SLC35D4: variants seen among roughly 807,000 people sequenced by gnomAD.
The protein encoded by SLC35D4 is solute carrier family 35 member D4, also known as UDP-N-acetylglucosamine transporter SLC35D4.
chr18:23,288,595 C>T, the SLC35D4 span, among the ~76,000 whole-genome samples: 1 of 151,994 alleles, frequency 6.6e-6, no homozygotes, highest in African/African-American at 2.4e-5. Flanking sequence ...ACTCAACATG[C>T]CCCGAGTCAG....
At chr18:23,413,750 C>A in the SLC35D4 span, among the ~76,000 whole-genome samples, 1 of 151,546 alleles carries the variant, frequency 6.6e-6, no homozygotes, top group Non-Finnish European at 1.5e-5. Context: ...CACGGTGAAA[C>A]CCTGTCTCTA....
At chr18:23,416,095 C>A in the SLC35D4 span, among the ~76,000 whole-genome samples, 1 of 152,178 alleles carries the variant, frequency 6.6e-6, no homozygotes. Context: ...CCTGTAATCT[C>A]AGCTACTCAG....
At chr18:23,259,628 T>C in the SLC35D4 span, 165 of 152,396 alleles carry the variant, frequency 1.1e-3, no homozygotes, top group South Asian at 2.9e-3. Context: ...GGTCTCCTTT[T>C]GCACGTCCAT....
At chr18:23,357,778 T>C in the SLC35D4 span, among the ~76,000 whole-genome samples, 2 of 152,226 alleles carry the variant, frequency 1.3e-5, no homozygotes, top group Non-Finnish European at 2.9e-5. Flanking sequence ...GTTCAATTTC[T>C]TTGGAGGGCT....
At chr18:23,354,110 T>C in the SLC35D4 span, among the ~76,000 whole-genome samples, 1,612 of 152,064 alleles carry the variant, frequency 0.011, 22 homozygotes, top group African/African-American at 0.037. Context: ...GCCAGAGCCA[T>C]AGCAAAGGGA....
chr18:23,425,377 A>T, the SLC35D4 span, among the ~76,000 whole-genome samples: 1 of 152,230 alleles, frequency 6.6e-6, no homozygotes, highest in Non-Finnish European at 1.5e-5. Context: ...CTGAGATTAC[A>T]GGTGTGAGCC....
the SLC35D4 span, among the ~76,000 whole-genome samples, chr18:23,411,530 A>ACT: frequency 6.6e-6 from 1 of 151,428 alleles, no homozygotes; most frequent in Non-Finnish European, 1.5e-5. Flanking sequence ...AGAAAGAAAG[A>ACT]AAGAAAGAAA....
At chr18:23,387,427 A>G in the SLC35D4 span, among the ~76,000 whole-genome samples, 1 of 152,144 alleles carries the variant, frequency 6.6e-6, no homozygotes, top group African/African-American at 2.4e-5. Flanking sequence ...ACTATAGGTT[A>G]AGGACCTTGA....
chr18:23,376,734 A>T, the SLC35D4 span: 4 of 454,294 alleles, frequency 8.8e-6, no homozygotes. Flanking sequence ...AGATCACCCC[A>T]AACAGACAAC....
chr18:23,435,428 G>A, the SLC35D4 span, among the ~76,000 whole-genome samples: 1 of 152,086 alleles, frequency 6.6e-6, no homozygotes, highest in South Asian at 2.1e-4. Flanking sequence ...CAAATTAGAA[G>A]AGTTAAATTG....
the SLC35D4 span, chr18:23,399,502 A>G: frequency 5.5e-6 from 8 of 1,459,862 alleles, no homozygotes; most frequent in Admixed American, 1.7e-5. Flanking sequence ...CTGAGGCATG[A>G]TAAGTTAAAA....
the SLC35D4 span, among the ~76,000 whole-genome samples, chr18:23,287,942 C>G: frequency 2.0e-5 from 3 of 152,252 alleles, no homozygotes; most frequent in Non-Finnish European, 4.4e-5. Context: ...CTTAGAGGCC[C>G]TTAAAATCAC....
At chr18:23,386,228 A>G in the SLC35D4 span, among the ~76,000 whole-genome samples, 1 of 151,984 alleles carries the variant, frequency 6.6e-6, no homozygotes, top group Non-Finnish European at 1.5e-5. Flanking sequence ...GCAACAAAGG[A>G]TCTTTGCAAA....
the SLC35D4 span, among the ~76,000 whole-genome samples, chr18:23,260,809 CTGAG>C: frequency 1.3e-5 from 2 of 151,086 alleles, no homozygotes; most frequent in African/African-American, 5.0e-5. Flanking sequence ...AGGGAGTAAA[CTGAG>C]TGTAAATCTG....
the SLC35D4 span, chr18:23,257,517 T>A: frequency 1.2e-6 from 1 of 853,220 alleles, no homozygotes; most frequent in Middle Eastern, 3.1e-4. Flanking sequence ...CTAGAAACTT[T>A]CCAAGGAGTC....
the SLC35D4 span, chr18:23,258,659 G>C: frequency 6.6e-6 from 1 of 152,242 alleles, no homozygotes; most frequent in Non-Finnish European, 1.5e-5. Context: ...TTGTATACCT[G>C]TATGCGTTTG....
chr18:23,343,124 T>C, the SLC35D4 span, among the ~76,000 whole-genome samples: 4 of 152,194 alleles, frequency 2.6e-5, no homozygotes, highest in East Asian at 7.7e-4. Context: ...GGTTTCACTA[T>C]GTTGACCAGG....
At chr18:23,265,556 CAAA>C in the SLC35D4 span, among the ~76,000 whole-genome samples, 11 of 98,384 alleles carry the variant, frequency 1.1e-4, no homozygotes, top group Admixed American at 4.4e-4. Context: ...ACATGGCTCT[CAAA>C]AAAAAAAAAA....
the SLC35D4 span, among the ~76,000 whole-genome samples, chr18:23,411,142 AGGAAGGAAGGAAGGAG>A: frequency 7.0e-5 from 10 of 143,550 alleles, no homozygotes; most frequent in Admixed American, 3.5e-4. Context: ...GAAAGAAGGA[AGGAAGGAAGGAAGGAG>A]GGAAGGAGGG....
Sources: gnomAD v4.1 joint callset for allele counts (sites outside exome capture counted in the v4.1 genomes callset) on GRCh38, gnomAD v4.1.1 for gene constraint, MANE v1.5 for transcripts, NCBI Gene and HGNC (gene_info 2026-07-23, HGNC 2026-07-21) for gene names.